SPTSSA: variants seen among roughly 807,000 people sequenced by gnomAD.
SPTSSA encodes small subunit of serine palmitoyltransferase A.
In SPTSSA, 8 loss-of-function variants were observed where a neutral mutation model predicts 9.1. The ratio of observed to expected loss-of-function variants is 0.88; its 90% CI spans 0.51 to 1.58. The LOEUF (loss-of-function observed/expected upper bound fraction) is 1.58, where lower values mean the gene tolerates loss of function less well. Ranked by LOEUF, SPTSSA falls within the 40% of genes most tolerant of loss-of-function variation. The pLI, the probability that SPTSSA is intolerant of heterozygous loss-of-function variation, is 0.00. For synonymous variants in SPTSSA, 42 were observed against 37.7 expected (o/e 1.11, Z -0.41); for missense variants, 100 against 93.8 (o/e 1.07, Z -0.27).
At chr14:34,453,062 C>T (rs775675838) in intron 1 of SPTSSA, among the ~76,000 whole-genome samples, 4 of 152,172 alleles carry the variant, frequency 2.6e-5, no homozygotes, top group Non-Finnish European at 5.9e-5. Flanking sequence ...TATAAGAATA[C>T]AGTATATAAT....
chr14:34,449,503 C>CTTTTTTTTTTTT (rs35238717), intron 1 of SPTSSA, among the ~76,000 whole-genome samples: 17 of 123,718 alleles, frequency 1.4e-4, no homozygotes, highest in African/African-American at 5.0e-4. Context: ...CCCGGCCTCC[C>CTTTTTTTTTTTT]TTTTTTTTTT....
chr14:34,455,317 G>A (rs1178103922), intron 1 of SPTSSA, among the ~76,000 whole-genome samples: 1 of 151,910 alleles, frequency 6.6e-6, no homozygotes, highest in Non-Finnish European at 1.5e-5. Context: ...CAACCAGAAG[G>A]CAAAGGTTGC....
chr14:34,461,803 G>A (rs1372678131), intron 1 of SPTSSA, among the ~76,000 whole-genome samples: 1 of 152,176 alleles, frequency 6.6e-6, no homozygotes, highest in Non-Finnish European at 1.5e-5. Flanking sequence ...GCGACACACA[G>A]GGTTACACAT....
rs764738915 is a variant in SPTSSA at position 34,435,321 on chromosome 14, G to C, written c.113-17C>G. 7.7e-6 allele frequency: 12 copies of C among 1,564,378 alleles called. No homozygotes were observed. In the South Asian group the frequency reaches 1.1e-4, roughly 15 times the overall value. ...GCATGGAATCTGAGTTGTAGTTAAG[G>C]AAACTTATTATTATTAATTTATTCA... On this transcript the variant is annotated splice_polypyrimidine_tract_variant and intron_variant, in intron 1 of 1. Transcript: ENST00000298130.
chr14:34,461,908 C>T (rs903222806), intron 1 of SPTSSA, among the ~76,000 whole-genome samples, 188 bp downstream of exon 1: 1 of 151,158 alleles, frequency 6.6e-6, no homozygotes, highest in African/African-American at 2.4e-5. Flanking sequence ...TCGTCTCCCC[C>T]ACCCCCCACT....
chr14:34,433,670 T>C lies in SPTSSA; in HGVS notation c.*1531A>G, dbSNP rs1408943722. 6.6e-6 allele frequency: 1 copy of C among 151,976 alleles called. No individual in the cohort carries two copies. The highest frequency in any genetic ancestry group is 1.5e-5 in the Non-Finnish European group (1 of 68,018). 9.4% of individuals were successfully genotyped at this position (151,976 alleles called of 1,614,324 possible). A position where few individuals can be genotyped will look rare whatever the true frequency, so the allele number is the denominator to read the frequency against. On this transcript the variant is annotated 3_prime_UTR_variant, in exon 2 of 2. Transcript: ENST00000298130. ...AGTCCTTAAAACGTAGGGCAAAAAA[T>C]ACCTCAATTTTGGCCGGGCGCGGTG...
chr14:34,438,786 C>T (rs1883277435), intron 1 of SPTSSA, among the ~76,000 whole-genome samples: 1 of 152,162 alleles, frequency 6.6e-6, no homozygotes, highest in South Asian at 2.1e-4. Flanking sequence ...ATGATTAAGG[C>T]ATTTATCATC....
chr14:34,455,971 C>T (rs115079149), intron 1 of SPTSSA, among the ~76,000 whole-genome samples: 42 of 150,730 alleles, frequency 2.8e-4, no homozygotes, highest in African/African-American at 1.0e-3. Flanking sequence ...TTGTAAGTAT[C>T]TGAGGATACA....
At chr14:34,459,298 A>G (rs564102400) in intron 1 of SPTSSA, among the ~76,000 whole-genome samples, 2 of 149,586 alleles carry the variant, frequency 1.3e-5, no homozygotes, top group South Asian at 4.3e-4. Context: ...GCCTCTATTA[A>G]AAATACAAAA....
At chr14:34,453,169 G>C (rs1883558026) in intron 1 of SPTSSA, among the ~76,000 whole-genome samples, 1 of 152,222 alleles carries the variant, frequency 6.6e-6, no homozygotes, top group Non-Finnish European at 1.5e-5. Context: ...GGAGTCAAAA[G>C]TTGTACACAG....
intron 1 of SPTSSA, among the ~76,000 whole-genome samples, chr14:34,457,658 C>A (rs1878511449): frequency 6.6e-6 from 1 of 152,154 alleles, no homozygotes; most frequent in African/African-American, 2.4e-5. Context: ...TGTATCACTT[C>A]AAATGTCTCA....
intron 1 of SPTSSA, among the ~76,000 whole-genome samples, chr14:34,435,922 G>A (rs932874821): frequency 3.3e-5 from 5 of 152,068 alleles, no homozygotes; most frequent in Admixed American, 6.6e-5. Context: ...GAGCCACTGC[G>A]CCCGGCAGGA....
intron 1 of SPTSSA, among the ~76,000 whole-genome samples, chr14:34,453,012 T>G (rs1219125698): frequency 6.6e-6 from 1 of 151,932 alleles, no homozygotes; most frequent in African/African-American, 2.4e-5. Flanking sequence ...CAACCCCTCC[T>G]CCTCCTCCTT....
chr14:34,433,304 G>C lies in SPTSSA; in HGVS notation c.*1897C>G, dbSNP rs529777414. ...GTAGAGGGCCAGGATAGGTCACCTGGATACTCATTGAAACTAATGATTCTC... is the reference window on the plus strand; with the variant it reads ...GTAGAGGGCCAGGATAGGTCACCTGCATACTCATTGAAACTAATGATTCTC... On this transcript the variant is annotated 3_prime_UTR_variant, in exon 2 of 2. Coordinates refer to ENST00000298130, the MANE Select transcript of SPTSSA (RefSeq NM_138288.4). 2.6e-5 allele frequency: 4 copies of C among 152,198 alleles called. No individual in the cohort carries two copies. The East Asian group carries it at 5.8e-4, about 22-fold the overall frequency. 9.4% of individuals were successfully genotyped at this position (152,198 alleles called of 1,614,324 possible). A position where few individuals can be genotyped will look rare whatever the true frequency, so the allele number is the denominator to read the frequency against.
At chr14:34,440,818 G>T (rs10143373) in intron 1 of SPTSSA, among the ~76,000 whole-genome samples, 13,643 of 151,704 alleles carry the variant, frequency 0.09, 1,283 homozygotes, top group African/African-American at 0.23. Flanking sequence ...GAGGCGGAGG[G>T]TGTGGTGAGC....
chr14:34,446,573 A>T (rs1036114278), intron 1 of SPTSSA, among the ~76,000 whole-genome samples: 5 of 152,328 alleles, frequency 3.3e-5, no homozygotes, highest in Admixed American at 2.6e-4. Context: ...ATTGCCTCAT[A>T]ATCAGTCAAA....
chr14:34,442,223 C>T (rs143876856), intron 1 of SPTSSA, among the ~76,000 whole-genome samples: 13 of 152,266 alleles, frequency 8.5e-5, no homozygotes, highest in Admixed American at 3.3e-4. Context: ...TTTCCGCACA[C>T]GGTCCCTGAT....
At position 34,457,970 on chromosome 14, in the gene SPTSSA, G is replaced by GAAA. The variant is rs1566427256; in HGVS notation, c.112+4125_112+4126insTTT. 1.4e-3 allele frequency among the ~76,000 whole-genome samples: 115 copies of GAAA among 83,312 alleles called. 2 individuals are homozygous for GAAA. The highest frequency in any genetic ancestry group is 4.0e-3 in the African/African-American group (82 of 20,674). 54.7% of individuals were successfully genotyped at this position (83,312 alleles called of 152,430 possible). On this transcript the variant is annotated intron_variant, in intron 1 of 1. Transcript: ENST00000298130. ...CTGGGTGACAGAGCAAGACTGTCTC[G>GAAA]GAAAAAAAAAAAAAAAAAAACAAAG... is the stretch of plus-strand genomic sequence containing the variant.
rs769896697 is a variant in SPTSSA, at chr14:34,435,623, C to CTTTTTTTTTTTTT, written c.113-332_113-320dup. On this transcript the variant is annotated intron_variant, in intron 1 of 1. Coordinates refer to ENST00000298130, the MANE Select transcript of SPTSSA (RefSeq NM_138288.4). ...CAAATGTTTTTGTTTGTTTGTTTCT[C>CTTTTTTTTTTTTT]TTTTTTTTTTTTTTTTTTTTTTGAG... Among the ~76,000 whole-genome samples the CTTTTTTTTTTTTT allele has an allele frequency of 6.7e-4, 62 of 92,434 alleles. 4 individuals are homozygous for CTTTTTTTTTTTTT. The highest frequency in any genetic ancestry group is 2.6e-3 in the African/African-American group (57 of 21,788). The allele number at this position is 92,434 out of a possible 152,430, so 60.6% of individuals were successfully genotyped here.
Sources: gnomAD v4.1 joint callset for allele counts (sites outside exome capture counted in the v4.1 genomes callset) on GRCh38, gnomAD v4.1.1 for gene constraint, MANE v1.5 for transcripts, NCBI Gene and HGNC (gene_info 2026-07-23, HGNC 2026-07-21) for gene names.